Variants in SPRYD3 observed in about 807,000 individuals in gnomAD.
SPRYD3 encodes SPRY domain-containing protein 3.
SPRYD3 carries 17 observed loss-of-function variants against 50.1 expected under a neutral mutation model. The observed-to-expected ratio is 0.34, with a 90% CI of 0.23 to 0.51. SPRYD3 has a LOEUF of 0.51. Among genes scored for constraint, SPRYD3 ranks in the 20% least tolerant of loss-of-function variants. SPRYD3 has a pLI of 0.97. For synonymous variants in SPRYD3, 198 were observed against 215.5 expected, an observed-to-expected ratio of 0.92 and a Z score of 0.71; for missense variants, 401 against 591.2, an observed-to-expected ratio of 0.68 and a Z score of 3.34.
At chr12:53,077,736 G>A (rs10129038) in intron 1 of SPRYD3, among the ~76,000 whole-genome samples, 2,882 of 152,214 alleles carry the variant, frequency 0.019, 78 homozygotes, top group African/African-American at 0.066. Flanking sequence ...TAGAGAAACA[G>A]AAAAAGGCAT....
In SPRYD3 at chr12:53,074,610, A is replaced by T. The variant is rs1944574788; in HGVS notation, c.507+39T>A. 6.2e-7 allele frequency: 1 copy of T among 1,613,556 alleles called. No homozygotes were observed. The highest frequency in any genetic ancestry group is 8.5e-7 in the Non-Finnish European group (1 of 1,179,674). ...TCACTCCCCACAAATCCTTGGGCAGATTTCAGCCACGTAAATCCCACCACT... is the reference window on the plus strand; with the variant it reads ...TCACTCCCCACAAATCCTTGGGCAGTTTTCAGCCACGTAAATCCCACCACT... On this transcript the variant is annotated intron_variant, in intron 5 of 10. Coordinates refer to ENST00000301463, the MANE Select transcript of SPRYD3 (RefSeq NM_032840.3). This position sits in a 1 kb window ranked among gnomAD's most constrained non-coding sequence, Gnocchi z 4.6.
At position 53,066,009 on chromosome 12, in the gene SPRYD3, G is replaced by C. The variant is rs551992991; in HGVS notation, c.1195-43C>G. ...AGAAGAATGGAGCAAGCAGGCTGTG[G>C]CCTCTTCCCTGAGGATGCTGGAGCT... is the stretch of plus-strand genomic sequence containing the variant. On this transcript the variant is annotated intron_variant, in intron 10 of 10. Transcript: ENST00000301463. 1.8e-5 allele frequency: 28 copies of C among 1,593,212 alleles called. 1 individual carries two copies. In the South Asian group the frequency reaches 3.1e-4, roughly 17 times the overall value.
At chr12:53,075,072 G>A (rs200222366) in intron 4 of SPRYD3, 23 bp downstream of exon 4, 19 of 1,607,310 alleles carry the variant, frequency 1.2e-5, no homozygotes, top group East Asian at 9.0e-5. Flanking sequence ...GAAAAGGGCC[G>A]GGTTGCACAG....
Position 53,074,632 on chromosome 12 carries a change from C to T in SPRYD3, c.507+17G>A, listed in dbSNP as rs1341577169. 2.5e-6 allele frequency: 4 copies of T among 1,614,084 alleles called. No individual in the cohort carries two copies. The highest frequency in any genetic ancestry group is 3.4e-6 in the Non-Finnish European group (4 of 1,180,022). ...CAGATTTCAGCCACGTAAATCCCAC[C>T]ACTATTTCCCACTCACCCGCTTCCC... On this transcript the variant is annotated intron_variant, in intron 5 of 10. Coordinates refer to ENST00000301463, the MANE Select transcript of SPRYD3 (RefSeq NM_032840.3). The surrounding 1 kb of genome is among the most constrained non-coding windows in gnomAD (Gnocchi z 4.6).
At chr12:53,079,268 G>A (rs775869348) in intron 1 of SPRYD3, 43 bp downstream of exon 1, 8 of 1,585,320 alleles carry the variant, frequency 5.0e-6, no homozygotes, top group Non-Finnish European at 6.9e-6. Context: ...AGGCTCCGGG[G>A]AGATACGAGG....
intron 8 of SPRYD3, among the ~76,000 whole-genome samples, chr12:53,066,930 T>A (rs898335024): frequency 1.3e-5 from 2 of 152,106 alleles, no homozygotes; most frequent in Non-Finnish European, 2.9e-5. Flanking sequence ...ATGGCCAGCA[T>A]GGCGAAACAT....
At chr12:53,068,745 C>G (rs1198633495) in intron 6 of SPRYD3, among the ~76,000 whole-genome samples, 2 of 152,164 alleles carry the variant, frequency 1.3e-5, no homozygotes, top group African/African-American at 4.8e-5. Flanking sequence ...CTAATGGGGA[C>G]AGGGAGGATG....
chr12:53,075,936 C>A, intron 2 of SPRYD3, 125 bp from the exon 3 acceptor site: 1 of 738,104 alleles, frequency 1.4e-6, no homozygotes, highest in Non-Finnish European at 2.4e-6. Flanking sequence ...GGCTGCACTT[C>A]AGTACATCGG....
In SPRYD3 at chr12:53,075,945, G is replaced by A. The variant is rs771580941; in HGVS notation, c.171-134C>T. On this transcript the variant is annotated intron_variant, in intron 2 of 10. Transcript: ENST00000301463. ...CCATCAGGCTGCACTTCAGTACATC[G>A]GCAGACATCAGAACCAGATACTTAA... 2.1e-4 allele frequency: 151 copies of A among 707,156 alleles called. 1 individual carries two copies. The Middle Eastern group carries it at 2.3e-3, about 11-fold the overall frequency. 43.8% of individuals were successfully genotyped at this position (707,156 alleles called of 1,614,324 possible).
At chr12:53,066,789 G>C in intron 8 of SPRYD3, 97 bp from the exon 9 acceptor site, 1 of 1,437,378 alleles carries the variant, frequency 7.0e-7, no homozygotes, top group Non-Finnish European at 9.4e-7. Context: ...CCACCCCTCA[G>C]AGGAAGGGAA....
rs753743672 is a variant in SPRYD3, at chr12:53,074,209, G to A, written c.507+440C>T. ...TCCTCACCACGCCTAGTCTCTCTAC[G>A]AACAGGATAGTGAAAGAGACGTGAA... On this transcript the variant is annotated intron_variant, in intron 5 of 10. Coordinates refer to ENST00000301463, the MANE Select transcript of SPRYD3 (RefSeq NM_032840.3). This position sits in a 1 kb window ranked among gnomAD's most constrained non-coding sequence, Gnocchi z 4.6. Among the ~76,000 whole-genome samples, 1 of 152,098 alleles carries A rather than the reference G, an allele frequency of 6.6e-6. No individual in the cohort carries two copies. The highest frequency in any genetic ancestry group is 1.5e-5 in the Non-Finnish European group (1 of 68,032).
In SPRYD3 at chr12:53,066,415, C is replaced by A; in HGVS notation, c.1093G>T (p.Val365Phe). The A allele has an allele frequency of 6.2e-7, 1 of 1,614,174 alleles. No individual in the cohort carries two copies. The highest frequency in any genetic ancestry group is 8.5e-7 in the Non-Finnish European group (1 of 1,180,020). The change falls in exon 10 of 11, where the codon GTC (valine) becomes TTC (phenylalanine). Residue 365 changes from valine to phenylalanine, a missense_variant. Val to Phe is a conservative substitution (Grantham distance 50). Coordinates refer to ENST00000301463, the MANE Select transcript of SPRYD3 (RefSeq NM_032840.3). ...TARAVRNVRN[V>F]MYLHQEGEEE... is the part of the protein sequence containing the mutation. Reference sequence around the variant, plus strand: ...TCCCCTTCCTGGTGCAGGTACATGACATTCCGCACGTTCCGGACGGCCCGG... The same window carrying A: ...TCCCCTTCCTGGTGCAGGTACATGAAATTCCGCACGTTCCGGACGGCCCGG...
chr12:53,073,557 G>A, intron 5 of SPRYD3, 86 bp from the exon 6 acceptor site: 2 of 1,167,610 alleles, frequency 1.7e-6, no homozygotes, highest in Non-Finnish European at 2.4e-6. Flanking sequence ...TTAAGATGAT[G>A]CAACCAGCCG....
chr12:53,066,841 G>C (rs781749501), intron 8 of SPRYD3, 149 bp from the exon 9 acceptor site: 1 of 1,031,078 alleles, frequency 9.7e-7, no homozygotes. Flanking sequence ...GGCCGGGCGC[G>C]GTGGCTCACG....
Position 53,077,177 on chromosome 12 carries a change from C to T in SPRYD3, c.108G>A (p.Glu36=). ...NWRRRIREIR[E]VRAFRYQERF... ...TCTCCTGATATCGGAAAGCTCGGAC[C>T]TCTCGAATCTCCCGGATCCGCCGGC... Residue 36 remains glutamate, a synonymous_variant, in exon 2 of 11, where the codon GAG becomes GAA. Coordinates refer to ENST00000301463, the MANE Select transcript of SPRYD3 (RefSeq NM_032840.3). 1 of 1,614,188 alleles carries T rather than the reference C, an allele frequency of 6.2e-7. No individual in the cohort carries two copies. The highest frequency in any genetic ancestry group is 1.3e-5 in the African/African-American group (1 of 75,060).
At chr12:53,071,093 A>G (rs1030150682) in intron 6 of SPRYD3, among the ~76,000 whole-genome samples, 1 of 152,092 alleles carries the variant, frequency 6.6e-6, no homozygotes, top group African/African-American at 2.4e-5. Flanking sequence ...TTGCCAGCAG[A>G]GACCCTAATC....
Position 53,074,538 on chromosome 12 carries a change from C to T in SPRYD3, c.507+111G>A. 1 of 1,324,504 alleles carries T rather than the reference C, an allele frequency of 7.5e-7. No individual in the cohort carries two copies. The highest frequency in any genetic ancestry group is 1.1e-6 in the Non-Finnish European group (1 of 935,260). 82.0% of individuals were successfully genotyped at this position (1,324,504 alleles called of 1,614,324 possible). On this transcript the variant is annotated intron_variant, in intron 5 of 10. Transcript: ENST00000301463. This position sits in a 1 kb window ranked among gnomAD's most constrained non-coding sequence, Gnocchi z 4.6. ...GGCTGGACTGGAGGAGATGGGAACT[C>T]AGTGCAAGGGTCCCTGGGCAAGCCC...
At position 53,064,318 on chromosome 12, in the gene SPRYD3, G is replaced by C. The variant is rs1944477902; in HGVS notation, c.*1514C>G. 2 of 165,002 alleles carry C rather than the reference G, an allele frequency of 1.2e-5. No homozygotes were observed. The highest frequency in any genetic ancestry group is 2.6e-5 in the Non-Finnish European group (2 of 76,748). The allele number at this position is 165,002 out of a possible 1,614,324, so 10.2% of individuals were successfully genotyped here. ...GATTCAGAGTAGGATCACATGAATA[G>C]GGGAAAAAAGAGAGTCTATTTTTGT... On this transcript the variant is annotated 3_prime_UTR_variant, in exon 11 of 11. Coordinates refer to ENST00000301463, the MANE Select transcript of SPRYD3 (RefSeq NM_032840.3).
intron 6 of SPRYD3, 32 bp downstream of exon 6, chr12:53,073,254 C>CCGCCCCCGGGGGGGGGGGGGGGG: frequency 2.3e-6 from 1 of 431,790 alleles, no homozygotes; most frequent in Non-Finnish European, 4.4e-6. Context: ...TCCTCCGACC[C>CCGCCCCCGGGGGGGGGGGGGGGG]AGCCCCTCCC....
Sources: allele counts gnomAD v4.1 joint callset (sites outside exome capture counted in the v4.1 genomes callset), GRCh38; gene constraint gnomAD v4.1.1; non-coding constraint Gnocchi (gnomAD v3.1); transcripts MANE v1.5; gene names NCBI Gene and HGNC (gene_info 2026-07-23, HGNC 2026-07-21).